The following WDR17 variants were observed in gnomAD, a reference collection of about 807,000 sequenced individuals.
WDR17 encodes the protein WD repeat-containing protein 17.
A neutral mutation model predicts 161.7 loss-of-function variants in WDR17; 143 were observed. The observed-to-expected ratio is 0.88, with a 90% CI of 0.77 to 1.02. WDR17 has a LOEUF of 1.02. Ranked by LOEUF, WDR17 falls within the 50% of genes least tolerant of loss-of-function variation. The pLI, the probability that WDR17 is intolerant of heterozygous loss-of-function variation, is 0.00. For synonymous variants in WDR17, 517 were observed against 515.6 expected (o/e 1.00, Z -0.04); for missense variants, 1,469 against 1,520.9 (o/e 0.97, Z 0.57).
intron 28 of WDR17, among the ~76,000 whole-genome samples, chr4:176,177,962 GCAAC>G (rs759356344): frequency 7.7e-5 from 8 of 103,866 alleles, no homozygotes; most frequent in Non-Finnish European, 1.4e-4. Context: ...TCCAGCCTGG[GCAAC>G]AAGAGTGAAA....
At chr4:176,083,698 G>C (rs745611959) in intron 1 of WDR17, among the ~76,000 whole-genome samples, 3 of 152,064 alleles carry the variant, frequency 2.0e-5, no homozygotes, top group Non-Finnish European at 4.4e-5. Context: ...ATACACTTAG[G>C]AGTGGAAATG....
At chr4:176,084,785 T>A (rs962425222) in intron 1 of WDR17, among the ~76,000 whole-genome samples, 2 of 146,888 alleles carry the variant, frequency 1.4e-5, no homozygotes, top group African/African-American at 2.5e-5. Flanking sequence ...TATATATATA[T>A]AAAATATATA....
chr4:176,113,434 T>C (rs1474612292), intron 2 of WDR17, among the ~76,000 whole-genome samples: 1 of 152,054 alleles, frequency 6.6e-6, no homozygotes, highest in Non-Finnish European at 1.5e-5. Flanking sequence ...ATATAAACAA[T>C]GTACATGAAA....
At chr4:176,094,489 C>T (rs1736547707) in intron 1 of WDR17, among the ~76,000 whole-genome samples, 1 of 152,138 alleles carries the variant, frequency 6.6e-6, no homozygotes, top group Non-Finnish European at 1.5e-5. Flanking sequence ...GAAAAACTTG[C>T]AAGAGCTCAC....
chr4:176,172,480 GA>G lies in WDR17; in HGVS notation c.3213del (p.Ala1072ProfsTer30). ...VKYYLLSQEP[E>X]KALPIGISFV... ...ATATTACTTGTTAAGTCAAGAACCT[GA>G]AAAAGCCCTTCCTATTGGTATTAGC... On this transcript the variant is annotated frameshift_variant, in exon 24 of 29. Coordinates refer to ENST00000508596, the MANE Select transcript of WDR17 (RefSeq NM_181265.4). LOFTEE classifies it high-confidence loss of function. The G allele has an allele frequency of 1.2e-6, 2 of 1,605,718 alleles. No individual in the cohort carries two copies. Among genetic ancestry groups the G allele is most frequent in the Admixed American group, 1.7e-5 (1 of 57,312 alleles).
At chr4:176,066,545 A>G (rs1732552058) in intron 1 of WDR17, among the ~76,000 whole-genome samples, 1 of 152,198 alleles carries the variant, frequency 6.6e-6, no homozygotes, top group South Asian at 2.1e-4. Flanking sequence ...GGTATTGGAT[A>G]TAAGGCAGGT....
At chr4:176,124,962 T>TA in intron 4 of WDR17, 142 bp from the exon 5 acceptor site, 1 of 923,168 alleles carries the variant, frequency 1.1e-6, no homozygotes, top group East Asian at 2.6e-5. Flanking sequence ...ACATGTCAGT[T>TA]ACGCCTTCTG....
intron 11 of WDR17, among the ~76,000 whole-genome samples, chr4:176,143,973 C>A (rs986349799): frequency 2.0e-4 from 29 of 148,340 alleles, no homozygotes; most frequent in Middle Eastern, 3.5e-3. Context: ...CAAGAAGGTC[C>A]CTGAATAATC....
chr4:176,105,735 T>C (rs1302117274), intron 1 of WDR17, among the ~76,000 whole-genome samples: 1 of 152,132 alleles, frequency 6.6e-6, no homozygotes, highest in Admixed American at 6.5e-5. Context: ...GGCAAATTTG[T>C]AGCTATAAAT....
At chr4:176,162,247 T>C in intron 21 of WDR17, 73 bp downstream of exon 21, 33 of 1,349,662 alleles carry the variant, frequency 2.4e-5, no homozygotes, top group Non-Finnish European at 3.4e-5. Context: ...GAGGAAAAGA[T>C]ATGGTGACTT....
intron 1 of WDR17, among the ~76,000 whole-genome samples, chr4:176,097,029 T>A (rs1736989254): frequency 6.6e-6 from 1 of 151,964 alleles, no homozygotes; most frequent in Non-Finnish European, 1.5e-5. Flanking sequence ...CCATGTTGCA[T>A]CTGATAAATT....
chr4:176,155,738 T>C (rs1216117169), intron 17 of WDR17, among the ~76,000 whole-genome samples: 7 of 147,970 alleles, frequency 4.7e-5, no homozygotes, highest in Non-Finnish European at 1.0e-4. Flanking sequence ...TATATATATG[T>C]TTTGGTAGAC....
chr4:176,162,016 G>C (rs1395900172), intron 20 of WDR17, 59 bp from the exon 21 acceptor site: 2 of 1,395,754 alleles, frequency 1.4e-6, no homozygotes, highest in Non-Finnish European at 9.8e-7. Flanking sequence ...AAAAGTATTA[G>C]TTTGCTTTTA....
chr4:176,096,666 A>G (rs2126644942), intron 1 of WDR17: 1 of 1,142,398 alleles, frequency 8.8e-7, no homozygotes. Context: ...TATCTGTGTC[A>G]TTTATATCGT....
intron 24 of WDR17, 149 bp downstream of exon 24, chr4:176,172,665 C>T (rs1253909524): frequency 5.3e-6 from 4 of 757,020 alleles, no homozygotes; most frequent in South Asian, 4.0e-5. Flanking sequence ...TTTATTGGCT[C>T]ATGGTTCTGC....
intron 22 of WDR17, among the ~76,000 whole-genome samples, chr4:176,167,663 A>AACAAC (rs1554036567): frequency 7.4e-6 from 1 of 134,764 alleles, no homozygotes; most frequent in Non-Finnish European, 1.6e-5. Context: ...AAAAAAAAAA[A>AACAAC]AAAAAAAAAC....
chr4:176,110,633 G>A (rs1418997728), intron 1 of WDR17, among the ~76,000 whole-genome samples: 33 of 152,150 alleles, frequency 2.2e-4, no homozygotes, highest in Admixed American at 2.2e-3. Context: ...TAGACTTACA[G>A]CCTCACCATT....
chr4:176,139,717 A>T (rs965090008), intron 9 of WDR17, among the ~76,000 whole-genome samples, 175 bp from the exon 10 acceptor site: 1 of 152,044 alleles, frequency 6.6e-6, no homozygotes, highest in Non-Finnish European at 1.5e-5. Flanking sequence ...AAATTGTGAC[A>T]GCTTTAGACA....
chr4:176,120,118 G>A, intron 4 of WDR17, 21 bp downstream of exon 4: 1 of 1,576,680 alleles, frequency 6.3e-7, no homozygotes, highest in Non-Finnish European at 8.7e-7. Context: ...AATTAGCAAG[G>A]TATCTTAAAT....
Sources: allele counts gnomAD v4.1 joint callset (sites outside exome capture counted in the v4.1 genomes callset), GRCh38; gene constraint gnomAD v4.1.1; transcripts MANE v1.5; gene names NCBI Gene and HGNC (gene_info 2026-07-23, HGNC 2026-07-21).